The following ATP10D variants were observed in gnomAD, a reference collection of about 807,000 sequenced individuals.
The protein encoded by ATP10D is ATPase phospholipid transporting 10D (putative).
A neutral mutation model predicts 144.8 loss-of-function variants in ATP10D; 89 were observed. The observed-to-expected ratio is 0.61, with a 90% CI of 0.52 to 0.73. The LOEUF is 0.73. Ranked by LOEUF, ATP10D falls within the 30% of genes least tolerant of loss-of-function variation. The pLI is 0.00. For synonymous variants in ATP10D, 571 were observed against 615.1 expected (o/e 0.93, Z 1.06); for missense variants, 1,603 against 1,714.8 (o/e 0.93, Z 1.15).
chr4:47,488,300 TA>T (rs1714877560), intron 1 of ATP10D, among the ~76,000 whole-genome samples: 1 of 151,876 alleles, frequency 6.6e-6, no homozygotes, highest in African/African-American at 2.4e-5. Context: ...AATTTTGAAA[TA>T]AATATATAAA....
At chr4:47,507,030 C>G (rs1205540153) in intron 1 of ATP10D, among the ~76,000 whole-genome samples, 2 of 152,112 alleles carry the variant, frequency 1.3e-5, no homozygotes, top group Non-Finnish European at 2.9e-5. Flanking sequence ...GAAGCCTCCC[C>G]CATTAAATGA....
chr4:47,496,108 T>C (rs1406640503), intron 1 of ATP10D, among the ~76,000 whole-genome samples: 1 of 151,868 alleles, frequency 6.6e-6, no homozygotes, highest in Admixed American at 6.6e-5. Flanking sequence ...TATAATGCAG[T>C]CAACAATTTC....
chr4:47,555,744 A>C (rs1337019438), intron 11 of ATP10D, among the ~76,000 whole-genome samples: 6 of 151,826 alleles, frequency 4.0e-5, no homozygotes, highest in Non-Finnish European at 7.4e-5. Flanking sequence ...ATGTTTAATA[A>C]TATTTTTTTC....
intron 9 of ATP10D, among the ~76,000 whole-genome samples, chr4:47,540,972 C>G (rs756178707): frequency 6.6e-6 from 1 of 152,144 alleles, no homozygotes; most frequent in Non-Finnish European, 1.5e-5. Flanking sequence ...TACATGGAGG[C>G]AGTAGCATTG....
intron 1 of ATP10D, among the ~76,000 whole-genome samples, chr4:47,501,985 T>A (rs1417582561): frequency 6.6e-6 from 1 of 152,238 alleles, no homozygotes; most frequent in Non-Finnish European, 1.5e-5. Flanking sequence ...CATATATGTT[T>A]ATGCTTTTTT....
intron 9 of ATP10D, among the ~76,000 whole-genome samples, chr4:47,538,819 A>C (rs1717984799): frequency 6.6e-6 from 1 of 152,242 alleles, no homozygotes; most frequent in South Asian, 2.1e-4. Context: ...ACAGCAGAGC[A>C]GTTTGCTTCT....
At chr4:47,490,930 C>G (rs1715036100) in intron 1 of ATP10D, 1 of 409,360 alleles carries the variant, frequency 2.4e-6, no homozygotes, top group South Asian at 2.5e-5. Context: ...GCAAATACAT[C>G]TTTTTTTTTT....
intron 2 of ATP10D, 42 bp downstream of exon 2, chr4:47,512,872 A>C (rs1716428274): frequency 2.6e-6 from 4 of 1,517,916 alleles, no homozygotes; most frequent in Non-Finnish European, 3.6e-6. Context: ...ATATCATTCT[A>C]GTTGATATAT....
chr4:47,537,905 G>A (rs1389331612), intron 9 of ATP10D, among the ~76,000 whole-genome samples: 1 of 152,020 alleles, frequency 6.6e-6, no homozygotes, highest in African/African-American at 2.4e-5. Context: ...TTAGATTTAT[G>A]ACAAGAAGAT....
chr4:47,544,166 CTTAAG>C (rs902182140), intron 9 of ATP10D, among the ~76,000 whole-genome samples: 4 of 152,180 alleles, frequency 2.6e-5, no homozygotes, highest in African/African-American at 9.6e-5. Context: ...GGGCAAATTA[CTTAAG>C]TTTATTTATT....
rs775610558 is a variant in ATP10D at position 47,512,754 on chromosome 4, G to A, written c.214G>A (p.Val72Met). Residue 72 changes from valine to methionine, a missense_variant, in exon 2 of 23, where the codon GTG becomes ATG. Val to Met is a conservative substitution (Grantham distance 21). Transcript: ENST00000273859. The part of the protein sequence containing the change: ...DEYEKFSGAY[V>M]NNRIRTTKYT... ...GTATGAGAAGTTCTCCGGAGCCTAT[G>A]TGAACAATCGAATACGAACAACAAA... The A allele has an allele frequency of 6.2e-7, 1 of 1,614,194 alleles. No individual in the cohort carries two copies. The highest frequency in any genetic ancestry group is 8.5e-7 in the Non-Finnish European group (1 of 1,179,990).
chr4:47,567,687 G>A (rs1719714127), intron 15 of ATP10D, among the ~76,000 whole-genome samples: 1 of 152,126 alleles, frequency 6.6e-6, no homozygotes, highest in South Asian at 2.1e-4. Flanking sequence ...ATTCATCTTT[G>A]TATACTTTGC....
In ATP10D at chr4:47,587,202, C is replaced by G; in HGVS notation, c.3937C>G (p.Pro1313Ala). 6.2e-7 allele frequency: 1 copy of G among 1,609,946 alleles called. No homozygotes were observed. The highest frequency in any genetic ancestry group is 8.5e-7 in the Non-Finnish European group (1 of 1,177,666). ...CILTTSIALL[P>A]RFVYRVLQGS... ...CCTCACGACGTCCATTGCTCTTCTGCCCAGGTATGGTATTTATTTTATCAT... is the reference window on the plus strand; with the variant it reads ...CCTCACGACGTCCATTGCTCTTCTGGCCAGGTATGGTATTTATTTTATCAT... The change falls in exon 22 of 23, where the codon CCC (proline) becomes GCC (alanine). Residue 1313 changes from proline to alanine, a missense_variant. Pro to Ala is a conservative substitution (Grantham distance 27, BLOSUM62 -1). Transcript: ENST00000273859.
chr4:47,585,406 A>C (rs1216413112), intron 21 of ATP10D, among the ~76,000 whole-genome samples: 1 of 152,146 alleles, frequency 6.6e-6, no homozygotes, highest in African/African-American at 2.4e-5. Flanking sequence ...TGTACATGAG[A>C]TGTTTTGATA....
Position 47,508,151 on chromosome 4 carries a change from G to A in ATP10D, c.-37-4353G>A, listed in dbSNP as rs145327407. Among the ~76,000 whole-genome samples, 185 of 152,286 alleles carry A rather than the reference G, an allele frequency of 1.2e-3. 1 individual carries two copies. Among genetic ancestry groups the A allele is most frequent in the African/African-American group, 4.1e-3 (169 of 41,548 alleles). ...ACAGAGGACAAGTGGAATACAGTTC[G>A]TTCATGAACATTGTTGGGATGAGTT... On this transcript the variant is annotated intron_variant, in intron 1 of 22. Transcript: ENST00000273859.
At chr4:47,579,012 G>A (rs1720376734) in intron 19 of ATP10D, among the ~76,000 whole-genome samples, 1 of 152,338 alleles carries the variant, frequency 6.6e-6, no homozygotes, top group East Asian at 1.9e-4. Context: ...CTGAGAACAT[G>A]TTAGGAAAAG....
intron 10 of ATP10D, among the ~76,000 whole-genome samples, chr4:47,553,676 T>A (rs6842577): frequency 0.24 from 35,822 of 151,946 alleles, 4,176 homozygotes; most frequent in Admixed American, 0.3. Flanking sequence ...CTCCAGTTAG[T>A]ATGCAGTGGA....
intron 10 of ATP10D, chr4:47,547,108 T>G: frequency 2.0e-6 from 1 of 498,788 alleles, no homozygotes; most frequent in South Asian, 2.4e-5. Context: ...AAAAGGAGAA[T>G]ATTTCTGGCC....
At chr4:47,543,775 G>A (rs1211533984) in intron 9 of ATP10D, among the ~76,000 whole-genome samples, 1 of 151,958 alleles carries the variant, frequency 6.6e-6, no homozygotes, top group Admixed American at 6.6e-5. Flanking sequence ...GGCAGTGATA[G>A]TTTCTACCTG....
Sources: gnomAD v4.1 joint callset for allele counts (sites outside exome capture counted in the v4.1 genomes callset) on GRCh38, gnomAD v4.1.1 for gene constraint, MANE v1.5 for transcripts, NCBI Gene and HGNC (gene_info 2026-07-23, HGNC 2026-07-21) for gene names.